The following TTLL4 variants were observed in gnomAD, a reference collection of about 807,000 sequenced individuals.
TTLL4 encodes the protein tubulin monoglutamylase TTLL4.
A neutral mutation model predicts 122.7 loss-of-function variants in TTLL4; 85 were observed. That is an observed-to-expected ratio of 0.69 (90% confidence interval 0.58 to 0.83). The LOEUF (loss-of-function observed/expected upper bound fraction) is 0.83. Among genes scored for constraint, TTLL4 ranks in the 40% least tolerant of loss-of-function variants. The pLI, the probability that TTLL4 is intolerant of heterozygous loss-of-function variation, is 0.00. For missense variants in TTLL4, 1,363 were observed against 1,488.6 expected, an observed-to-expected ratio of 0.92 and a Z score of 1.39; for synonymous variants, 553 against 563.0, an observed-to-expected ratio of 0.98 and a Z score of 0.25.
At chr2:218,729,754 AAAAAAAAAC>A (rs1559361855) in intron 2 of TTLL4, among the ~76,000 whole-genome samples, 3,039 of 113,182 alleles carry the variant, frequency 0.027, 111 homozygotes, top group African/African-American at 0.1. Flanking sequence ...TTTTTAAAAA[AAAAAAAAAC>A]AAAAAAAAAA....
At chr2:218,729,759 AAAAC>A (rs1381618972) in intron 2 of TTLL4, among the ~76,000 whole-genome samples, 22 of 131,948 alleles carry the variant, frequency 1.7e-4, no homozygotes, top group Admixed American at 3.6e-4. Context: ...AAAAAAAAAA[AAAAC>A]AAAAAAAAAA....
chr2:218,716,803 A>C (rs1198369593), intron 1 of TTLL4, among the ~76,000 whole-genome samples: 1 of 152,076 alleles, frequency 6.6e-6, no homozygotes, highest in Non-Finnish European at 1.5e-5. Flanking sequence ...GAAAAAAAAA[A>C]TTTACACTGT....
At chr2:218,756,744 A>T (rs1472167990), downstream of TTLL4, among the ~76,000 whole-genome samples, 1 of 152,202 alleles carries the variant, frequency 6.6e-6, no homozygotes, top group African/African-American at 2.4e-5. Context: ...TTGATAACTT[A>T]CCTAGTCTAT....
At chr2:218,737,494 CT>C (rs1942557110) in intron 2 of TTLL4, 84 bp from the exon 3 acceptor site, 1 of 681,994 alleles carries the variant, frequency 1.5e-6, no homozygotes, top group Admixed American at 3.2e-5. Flanking sequence ...TGAAGTGGGA[CT>C]GTACTGCTTA....
chr2:218,738,655 T>A lies in TTLL4; in HGVS notation c.979T>A (p.Ser327Thr), dbSNP rs1196776953. 1.9e-6 allele frequency: 3 copies of A among 1,614,074 alleles called. No individual in the cohort carries two copies. Among genetic ancestry groups the A allele is most frequent in the Non-Finnish European group, 2.5e-6 (3 of 1,180,044 alleles). The change falls in exon 3 of 20, where the codon TCC (serine) becomes ACC (threonine). Residue 327 changes from serine to threonine, a missense_variant. By Grantham distance (58) the Ser-to-Thr change is moderately conservative. Coordinates refer to ENST00000392102, the MANE Select transcript of TTLL4 (RefSeq NM_014640.5). ...CTGTGCTCTGGATGACAGCTCTGAT[T>A]CCCAGGATCCAACTAAGGAGATTCG... The part of the protein sequence containing the change: ...LSCALDDSSD[S>T]QDPTKEIRFT...
In TTLL4 at chr2:218,746,209, G is replaced by A. The variant is rs1324544594; in HGVS notation, c.1952G>A (p.Arg651Gln). ...WGHHMKSPSF[R>Q]SIREHQKLNH... ...CACCACATGAAGTCTCCTAGTTTCC[G>A]ATCCATTCGAGAGCATCAGAAGGTA... The change falls in exon 8 of 20, where the codon CGA becomes CAA. Residue 651 changes from arginine (R) to glutamine (Q), a missense_variant. This residue lies in a region of TTLL4 where 760 missense variants were observed against 808.4 expected (regional missense o/e 0.94). Coordinates refer to ENST00000392102, the MANE Select transcript of TTLL4 (RefSeq NM_014640.5). The A allele has an allele frequency of 1.9e-6, 3 of 1,613,958 alleles. No homozygotes were observed. Among genetic ancestry groups the A allele is most frequent in the Non-Finnish European group, 2.5e-6 (3 of 1,179,988 alleles).
chr2:218,743,818 T>C (rs1435079426), intron 5 of TTLL4, among the ~76,000 whole-genome samples: 2 of 152,170 alleles, frequency 1.3e-5, no homozygotes, highest in South Asian at 2.1e-4. Flanking sequence ...TAGCTGGGAC[T>C]ACAGGCATGC....
rs1431639265 is a variant in TTLL4 at position 218,746,218 on chromosome 2, G to A, written c.1961G>A (p.Arg654Gln). The stretch of plus-strand genomic sequence containing the variant: ...AAGTCTCCTAGTTTCCGATCCATTC[G>A]AGAGCATCAGAAGGTAGGGGTCCTT... The part of the protein sequence containing the change: ...HMKSPSFRSI[R>Q]EHQKLNHFPG... The change falls in exon 8 of 20, where the codon CGA becomes CAA. Residue 654 changes from arginine to glutamine, a missense_variant. Physicochemically the swap from Arg to Gln is conservative, Grantham distance 43. This residue lies in a region of TTLL4 where 7 missense variants were observed against 24.5 expected (regional missense o/e 0.29). Transcript: ENST00000392102. 1.2e-6 allele frequency: 2 copies of A among 1,613,888 alleles called. No homozygotes were observed. The highest frequency in any genetic ancestry group is 1.7e-6 in the Non-Finnish European group (2 of 1,179,994).
chr2:218,721,057 C>G (rs908988923), intron 1 of TTLL4, among the ~76,000 whole-genome samples: 1 of 152,202 alleles, frequency 6.6e-6, no homozygotes, highest in African/African-American at 2.4e-5. Flanking sequence ...ACGGAAGCTC[C>G]AAGCCCTTTT....
At chr2:218,746,316 C>A in intron 8 of TTLL4, 85 bp downstream of exon 8, 2 of 1,407,992 alleles carry the variant, frequency 1.4e-6, no homozygotes, top group Non-Finnish European at 1.0e-6. Context: ...GGGTAGGGGG[C>A]GGGAAGAGGA....
At chr2:218,720,932 C>T (rs1942017222) in intron 1 of TTLL4, among the ~76,000 whole-genome samples, 1 of 152,080 alleles carries the variant, frequency 6.6e-6, no homozygotes, top group Admixed American at 6.5e-5. Flanking sequence ...GAGCTGACTA[C>T]CAATGGCCAG....
chr2:218,740,551 T>C lies in TTLL4; in HGVS notation c.1628T>C (p.Val543Ala). 6.2e-7 allele frequency: 1 copy of C among 1,614,140 alleles called. No homozygotes were observed. The highest frequency in any genetic ancestry group is 8.5e-7 in the Non-Finnish European group (1 of 1,180,020). Residue 543 changes from valine to alanine, a missense_variant, in exon 5 of 20, where the codon GTC (valine) becomes GCC (alanine). This residue lies in a region of TTLL4 where 760 missense variants were observed against 808.4 expected (regional missense o/e 0.94). Coordinates refer to ENST00000392102, the MANE Select transcript of TTLL4 (RefSeq NM_014640.5). Reference protein sequence around the residue: ...GDSECSSLSAVSPSESVAMIS... With the variant: ...GDSECSSLSAASPSESVAMIS... Reference sequence around the variant, plus strand: ...TCAGAGTGCTCCTCATTAAGTGCTGTCTCCCCCAGCGAATCGGTGGCCATG... The same window carrying C: ...TCAGAGTGCTCCTCATTAAGTGCTGCCTCCCCCAGCGAATCGGTGGCCATG...
chr2:218,714,795 G>A (rs944580821), intron 1 of TTLL4, among the ~76,000 whole-genome samples: 4 of 151,544 alleles, frequency 2.6e-5, no homozygotes, highest in Non-Finnish European at 5.9e-5. Flanking sequence ...TTTGTTTAGA[G>A]ATGGGGTCTC....
At chr2:218,732,065 A>G (rs879151532) in intron 2 of TTLL4, among the ~76,000 whole-genome samples, 3 of 152,230 alleles carry the variant, frequency 2.0e-5, no homozygotes, top group Non-Finnish European at 2.9e-5. Context: ...ATTGGCCCCT[A>G]AAGTAAGTTC....
chr2:218,747,277 T>G lies in TTLL4; in HGVS notation c.2167-13T>G. 1 of 1,614,176 alleles carries G rather than the reference T, an allele frequency of 6.2e-7. No homozygotes were observed. Among genetic ancestry groups the G allele is most frequent in the Non-Finnish European group, 8.5e-7 (1 of 1,180,016 alleles). On this transcript the variant is annotated splice_polypyrimidine_tract_variant and intron_variant, in intron 9 of 19. Coordinates refer to ENST00000392102, the MANE Select transcript of TTLL4 (RefSeq NM_014640.5). The surrounding 1 kb of genome is among the most constrained non-coding windows in gnomAD (Gnocchi z 4.7). ...TGGACCTGGAGCAAATCTCATCTCCTTTCTGCTCCTAGCCAGCATCAGCTC... is the reference window on the plus strand; with the variant it reads ...TGGACCTGGAGCAAATCTCATCTCCGTTCTGCTCCTAGCCAGCATCAGCTC...
chr2:218,747,272 T>C lies in TTLL4; in HGVS notation c.2167-18T>C. On this transcript the variant is annotated intron_variant, in intron 9 of 19. Transcript: ENST00000392102. This position sits in a 1 kb window ranked among gnomAD's most constrained non-coding sequence, Gnocchi z 4.7. ...AGTATTGGACCTGGAGCAAATCTCA[T>C]CTCCTTTCTGCTCCTAGCCAGCATC... is the stretch of plus-strand genomic sequence containing the variant. 6.2e-7 allele frequency: 1 copy of C among 1,614,104 alleles called. No homozygotes were observed. Among genetic ancestry groups the C allele is most frequent in the Admixed American group, 1.7e-5 (1 of 60,016 alleles).
chr2:218,758,353 G>A (rs1187506499), downstream of TTLL4, among the ~76,000 whole-genome samples: 1 of 152,094 alleles, frequency 6.6e-6, no homozygotes, highest in African/African-American at 2.4e-5. Context: ...AATAGTTATG[G>A]GACTAAAATA....
chr2:218,733,364 A>G (rs1271274815), intron 2 of TTLL4, among the ~76,000 whole-genome samples: 1 of 152,154 alleles, frequency 6.6e-6, no homozygotes, highest in Non-Finnish European at 1.5e-5. Context: ...CGGAAGGGGA[A>G]GCAGGCACGT....
chr2:218,729,770 A>AAAAC (rs1559361983), intron 2 of TTLL4, among the ~76,000 whole-genome samples: 1 of 140,474 alleles, frequency 7.1e-6, no homozygotes, highest in Non-Finnish European at 1.6e-5. Flanking sequence ...AAACAAAAAA[A>AAAAC]AAAAAAACAG....
Sources: allele counts gnomAD v4.1 joint callset (sites outside exome capture counted in the v4.1 genomes callset), GRCh38; gene constraint gnomAD v4.1.1; regional missense constraint gnomAD v4.1.1; non-coding constraint Gnocchi (gnomAD v3.1); transcripts MANE v1.5; gene names NCBI Gene and HGNC (gene_info 2026-07-23, HGNC 2026-07-21).